The following LRBA variants were observed in gnomAD, a reference collection of about 807,000 sequenced individuals.
LRBA encodes lipopolysaccharide-responsive and beige-like anchor protein.
LRBA carries 176 observed loss-of-function variants against 330.0 expected under a neutral mutation model. That is an observed-to-expected ratio of 0.53 (90% CI 0.47 to 0.60). LRBA has a LOEUF of 0.60. LRBA is among the 20% of genes least tolerant of loss of function. LRBA has a pLI of 0.00. For missense variants in LRBA, 3,259 were observed against 3,444.8 expected (o/e 0.95, Z 1.35); for synonymous variants, 1,230 against 1,193.0 (o/e 1.03, Z -0.64).
At chr4:150,956,777 T>C (rs1737590341) in intron 2 of LRBA, among the ~76,000 whole-genome samples, 1 of 148,968 alleles carries the variant, frequency 6.7e-6, no homozygotes, top group Non-Finnish European at 1.5e-5. Context: ...CATGATCATC[T>C]CAATAGACAA....
intron 20 of LRBA, among the ~76,000 whole-genome samples, chr4:150,869,907 T>A (rs1753226158): frequency 1.3e-5 from 2 of 152,070 alleles, no homozygotes; most frequent in African/African-American, 4.8e-5. Context: ...CTCTGAAAGC[T>A]GAGGAAAATT....
chr4:150,639,603 A>G (rs1487748282), intron 37 of LRBA, among the ~76,000 whole-genome samples: 4 of 144,494 alleles, frequency 2.8e-5, no homozygotes, highest in Non-Finnish European at 6.0e-5. Context: ...AAAAAAAAAA[A>G]AAAAATTCTA....
intron 36 of LRBA, among the ~76,000 whole-genome samples, chr4:150,727,111 C>CA (rs1237131498): frequency 9.3e-6 from 1 of 108,004 alleles, no homozygotes; most frequent in Non-Finnish European, 1.7e-5. Flanking sequence ...CTTGCTCTGT[C>CA]ACCCAGGCTG....
chr4:150,906,549 C>G (rs577719886), intron 11 of LRBA, 144 bp from the exon 12 acceptor site: 1 of 540,144 alleles, frequency 1.9e-6, no homozygotes, highest in African/African-American at 1.9e-5. Flanking sequence ...CTGCTTCCAA[C>G]ATTACATCAG....
intron 37 of LRBA, among the ~76,000 whole-genome samples, chr4:150,639,056 A>G: frequency 7.5e-6 from 1 of 133,032 alleles, no homozygotes; most frequent in South Asian, 2.6e-4. Context: ...CTTTGTAGGG[A>G]CATGGATGAA....
At chr4:150,901,445 C>G (rs1483264427) in intron 13 of LRBA, among the ~76,000 whole-genome samples, 2 of 152,102 alleles carry the variant, frequency 1.3e-5, no homozygotes, top group African/African-American at 2.4e-5. Context: ...ATTTTATAAG[C>G]TGAACAACTG....
rs190132064 is a variant in LRBA at position 150,787,841 on chromosome 4, T to G, written c.5580+10240A>C. Among the ~76,000 whole-genome samples the G allele has an allele frequency of 1.5e-4, 23 of 152,280 alleles. No homozygotes were observed. The East Asian group carries it at 4.2e-3, about 28-fold the overall frequency. ...CTCTGGTAACCATCCTTCTCTACTA[T>G]CTCTGAGTTCAACTGTTGCTTCCAA... On this transcript the variant is annotated intron_variant, in intron 34 of 56. Coordinates refer to ENST00000651943, the MANE Select transcript of LRBA (RefSeq NM_001364905.1).
intron 44 of LRBA, among the ~76,000 whole-genome samples, chr4:150,448,933 C>G (rs923932124): frequency 1.3e-5 from 2 of 151,446 alleles, no homozygotes; most frequent in African/African-American, 4.9e-5. Flanking sequence ...TTTGCATGCA[C>G]TTGTAAGCTC....
intron 37 of LRBA, among the ~76,000 whole-genome samples, chr4:150,641,877 G>A (rs948667034): frequency 2.6e-5 from 4 of 151,998 alleles, no homozygotes; most frequent in African/African-American, 4.8e-5. Flanking sequence ...AATAAGTGAA[G>A]CATGAGGCTA....
At chr4:150,278,182 G>A (rs1747054411) in intron 55 of LRBA, among the ~76,000 whole-genome samples, 178 bp from the exon 56 acceptor site, 1 of 152,128 alleles carries the variant, frequency 6.6e-6, no homozygotes, top group African/African-American at 2.4e-5. Context: ...AAAACCAAAT[G>A]GACAAAGTTC....
intron 47 of LRBA, among the ~76,000 whole-genome samples, chr4:150,389,911 A>ATTTTTTTTTTTTTT (rs34355782): frequency 9.0e-6 from 1 of 111,724 alleles, no homozygotes; most frequent in Non-Finnish European, 1.8e-5. Flanking sequence ...TTGTCTGGGT[A>ATTTTTTTTTTTTTT]TTTTTTTTTT....
chr4:150,646,303 C>T (rs900522599), intron 37 of LRBA, among the ~76,000 whole-genome samples: 1 of 151,892 alleles, frequency 6.6e-6, no homozygotes, highest in African/African-American at 2.4e-5. Context: ...CAGTTATTGC[C>T]ATGAACTGAA....
At chr4:150,312,594 G>C (rs1247723603) in intron 51 of LRBA, among the ~76,000 whole-genome samples, 1 of 152,120 alleles carries the variant, frequency 6.6e-6, no homozygotes, top group African/African-American at 2.4e-5. Context: ...AAAAGTGAAT[G>C]TATAAGTATC....
chr4:150,869,953 G>A (rs1753231560), intron 20 of LRBA, among the ~76,000 whole-genome samples: 1 of 151,862 alleles, frequency 6.6e-6, no homozygotes, highest in South Asian at 2.1e-4. Context: ...AATTAGCACT[G>A]GAGTACCAAA....
chr4:150,665,177 GT>G (rs1051959471), intron 37 of LRBA, among the ~76,000 whole-genome samples: 1 of 152,150 alleles, frequency 6.6e-6, no homozygotes, highest in Non-Finnish European at 1.5e-5. Context: ...TGTGTGAAAT[GT>G]TTGTCAAAGG....
At chr4:150,724,398 C>A (rs1729377658) in intron 36 of LRBA, among the ~76,000 whole-genome samples, 1 of 152,170 alleles carries the variant, frequency 6.6e-6, no homozygotes, top group Non-Finnish European at 1.5e-5. Flanking sequence ...AAAAACACAG[C>A]CTTATTGGGG....
At chr4:150,914,137 C>T in intron 9 of LRBA, 58 bp downstream of exon 9, 3 of 1,417,948 alleles carry the variant, frequency 2.1e-6, no homozygotes, top group Non-Finnish European at 2.8e-6. Context: ...CATGTATAAC[C>T]CACCTTCAAA....
At chr4:150,837,379 A>G (rs1239224556) in intron 28 of LRBA, among the ~76,000 whole-genome samples, 1 of 152,164 alleles carries the variant, frequency 6.6e-6, no homozygotes, top group Middle Eastern at 3.4e-3. Flanking sequence ...TGATCTGTCT[A>G]ATGTTGACGG....
At chr4:150,930,407 C>T (rs1734368957) in intron 2 of LRBA, among the ~76,000 whole-genome samples, 1 of 151,860 alleles carries the variant, frequency 6.6e-6, no homozygotes, top group African/African-American at 2.4e-5. Context: ...GCAGGAGAAT[C>T]ACTTAAACCT....
Sources: allele counts gnomAD v4.1 joint callset (sites outside exome capture counted in the v4.1 genomes callset), GRCh38; gene constraint gnomAD v4.1.1; transcripts MANE v1.5; gene names NCBI Gene and HGNC (gene_info 2026-07-23, HGNC 2026-07-21).